DOCK1: variants seen among roughly 807,000 people sequenced by gnomAD.
DOCK1 encodes the protein dedicator of cytokinesis protein 1.
A neutral mutation model predicts 262.7 loss-of-function variants in DOCK1; 138 were observed. The ratio of observed to expected loss-of-function variants is 0.53; its 90% CI spans 0.46 to 0.61. The LOEUF (loss-of-function observed/expected upper bound fraction) is 0.61, where lower values mean the gene tolerates loss of function less well. Among genes scored for constraint, DOCK1 ranks in the 20% least tolerant of loss-of-function variants. DOCK1 has a pLI of 0.00. For missense variants in DOCK1, 1,908 were observed against 2,370.7 expected (o/e 0.80, Z 4.05); for synonymous variants, 866 against 867.4 (o/e 1.00, Z 0.03).
intron 29 of DOCK1, among the ~76,000 whole-genome samples, chr10:127,289,242 A>G (rs749834857): frequency 2.0e-5 from 3 of 152,162 alleles, no homozygotes; most frequent in Non-Finnish European, 4.4e-5. Context: ...TGCTTTTTAA[A>G]TCTAACTTTG....
At chr10:127,253,163 G>T (rs1446110769) in intron 28 of DOCK1, among the ~76,000 whole-genome samples, 1 of 152,204 alleles carries the variant, frequency 6.6e-6, no homozygotes, top group Non-Finnish European at 1.5e-5. Flanking sequence ...ACCTGCCCAA[G>T]GGGCTGCTGG....
intron 4 of DOCK1, among the ~76,000 whole-genome samples, chr10:126,984,348 T>C (rs2039200455): frequency 6.6e-6 from 1 of 152,182 alleles, no homozygotes; most frequent in Admixed American, 6.5e-5. Context: ...TATTTTGTAT[T>C]GTGTATTTTT....
chr10:127,085,831 C>A (rs1262852632), intron 23 of DOCK1, among the ~76,000 whole-genome samples: 4 of 152,090 alleles, frequency 2.6e-5, no homozygotes, highest in South Asian at 2.1e-4. Context: ...GAGAACAGAT[C>A]TAAATTATAG....
intron 38 of DOCK1, among the ~76,000 whole-genome samples, chr10:127,388,768 G>C (rs7079661): frequency 0.31 from 46,452 of 152,120 alleles, 7,509 homozygotes; most frequent in Admixed American, 0.46. Context: ...TTGGCTGAAG[G>C]AGATCACATG....
intron 1 of DOCK1, among the ~76,000 whole-genome samples, chr10:126,953,785 ATG>A (rs2036521798): frequency 6.6e-6 from 1 of 151,940 alleles, no homozygotes; most frequent in African/African-American, 2.4e-5. Context: ...GTCAGCTTTG[ATG>A]TCACCTGAAA....
chr10:127,019,512 T>C (rs1386266000), intron 13 of DOCK1, among the ~76,000 whole-genome samples: 1 of 144,686 alleles, frequency 6.9e-6, no homozygotes, highest in African/African-American at 2.6e-5. Flanking sequence ...ACTTTGGGAG[T>C]TCGAGGCGGG....
At chr10:127,280,035 ATTTTTTTTTTTTTTTTTG>A (rs2060895843) in intron 29 of DOCK1, among the ~76,000 whole-genome samples, 4 of 59,790 alleles carry the variant, frequency 6.7e-5, no homozygotes, top group African/African-American at 3.0e-4. Flanking sequence ...TATATATATA[ATTTTTTTTTTTTTTTTTG>A]AGACGGAGTC....
intron 4 of DOCK1, among the ~76,000 whole-genome samples, chr10:126,982,341 G>GGGAAGACAT (rs1158754048): frequency 6.6e-6 from 1 of 152,182 alleles, no homozygotes; most frequent in African/African-American, 2.4e-5. Flanking sequence ...ATTGCAGGCT[G>GGGAAGACAT]TGATATAAAT....
At chr10:127,148,139 C>A (rs2052097800) in intron 27 of DOCK1, among the ~76,000 whole-genome samples, 1 of 152,172 alleles carries the variant, frequency 6.6e-6, no homozygotes, top group Non-Finnish European at 1.5e-5. Flanking sequence ...CACAAGCTCC[C>A]CCTCTCTGAT....
At chr10:127,245,592 TACAAC>T (rs2059406392) in intron 27 of DOCK1, among the ~76,000 whole-genome samples, 1 of 152,246 alleles carries the variant, frequency 6.6e-6, no homozygotes, top group Non-Finnish European at 1.5e-5. Flanking sequence ...TTTTCTGTGT[TACAAC>T]GGTTTTGGCA....
At chr10:126,955,004 A>G (rs1337993137) in intron 1 of DOCK1, among the ~76,000 whole-genome samples, 1 of 152,206 alleles carries the variant, frequency 6.6e-6, no homozygotes, top group Non-Finnish European at 1.5e-5. Flanking sequence ...CCGCGGCTGC[A>G]CCATTTTACA....
intron 29 of DOCK1, among the ~76,000 whole-genome samples, chr10:127,327,263 AG>A (rs1398808949): frequency 8.5e-5 from 13 of 152,214 alleles, no homozygotes; most frequent in African/African-American, 3.1e-4. Flanking sequence ...TTCCAATATA[AG>A]GTGGTTTCAT....
intron 23 of DOCK1, among the ~76,000 whole-genome samples, chr10:127,064,834 A>G (rs768319174): frequency 3.9e-5 from 6 of 152,084 alleles, no homozygotes; most frequent in Non-Finnish European, 7.4e-5. Flanking sequence ...AACCATCATC[A>G]CCATCCCTCT....
intron 27 of DOCK1, among the ~76,000 whole-genome samples, chr10:127,226,892 C>G (rs911506705): frequency 6.6e-6 from 1 of 152,136 alleles, no homozygotes; most frequent in Non-Finnish European, 1.5e-5. Context: ...CTATTGCGTT[C>G]CCCACAGCAC....
At chr10:127,115,033 G>A (rs974959801) in intron 25 of DOCK1, among the ~76,000 whole-genome samples, 15 of 152,102 alleles carry the variant, frequency 9.9e-5, no homozygotes, top group Non-Finnish European at 1.9e-4. Flanking sequence ...GGGGTTACAG[G>A]CATGAGCCAC....
At chr10:127,370,842 T>C (rs1456107524) in intron 33 of DOCK1, among the ~76,000 whole-genome samples, 1 of 152,238 alleles carries the variant, frequency 6.6e-6, no homozygotes, top group Non-Finnish European at 1.5e-5. Flanking sequence ...TATCAGACAC[T>C]GAGAGACTCT....
intron 6 of DOCK1, among the ~76,000 whole-genome samples, chr10:126,991,943 G>A (rs1230069710): frequency 6.6e-6 from 1 of 152,176 alleles, no homozygotes; most frequent in Non-Finnish European, 1.5e-5. Flanking sequence ...GTCAGAAAAG[G>A]GAAGGGGTTT....
At chr10:127,217,856 AT>A (rs577120963) in intron 27 of DOCK1, among the ~76,000 whole-genome samples, 1 of 152,140 alleles carries the variant, frequency 6.6e-6, no homozygotes, top group African/African-American at 2.4e-5. Context: ...ACTCAAGTTA[AT>A]TTTTTTCATA....
intron 12 of DOCK1, chr10:127,018,505 G>A: frequency 1.5e-6 from 1 of 660,198 alleles, no homozygotes. Flanking sequence ...CCTAGGGCAG[G>A]GCTGGCATCC....
Sources: allele counts gnomAD v4.1 joint callset (sites outside exome capture counted in the v4.1 genomes callset), GRCh38; gene constraint gnomAD v4.1.1; transcripts MANE v1.5; gene names NCBI Gene and HGNC (gene_info 2026-07-23, HGNC 2026-07-21).